The following SMYD3 variants were observed in gnomAD, a reference collection of about 807,000 sequenced individuals.
The protein encoded by SMYD3 is histone-lysine N-methyltransferase SMYD3.
Under a neutral mutation model 57.7 loss-of-function variants are expected in SMYD3, and 36 were observed. That is an observed-to-expected ratio of 0.62 (90% CI 0.48 to 0.82). The LOEUF is 0.82. Ranked by LOEUF, SMYD3 falls within the 40% of genes least tolerant of loss-of-function variation. The pLI is 0.00. For synonymous variants in SMYD3, 211 were observed against 195.0 expected (o/e 1.08, Z -0.68); for missense variants, 515 against 538.8 (o/e 0.96, Z 0.44).
intron 10 of SMYD3, chr1:245,788,809 T>A (rs767846994): frequency 6.6e-6 from 1 of 152,210 alleles, no homozygotes; most frequent in African/African-American, 2.4e-5. Context: ...TCACAGACCA[T>A]GCCAGAGTCC....
intron 5 of SMYD3, among the ~76,000 whole-genome samples, chr1:246,142,923 T>C (rs10924515): frequency 0.22 from 33,698 of 151,992 alleles, 4,286 homozygotes; most frequent in African/African-American, 0.32. Context: ...AGCTTCTTCA[T>C]GGAGATAAAC....
chr1:246,384,263 T>G lies in SMYD3; in HGVS notation c.165-29169A>C, dbSNP rs771832722. Among the ~76,000 whole-genome samples, 38 of 152,204 alleles carry G rather than the reference T, an allele frequency of 2.5e-4. 1 individual carries two copies. The highest frequency in any genetic ancestry group is 5.9e-5 in the Non-Finnish European group (4 of 68,020). On this transcript the variant is annotated intron_variant, in intron 1 of 11. Coordinates refer to ENST00000490107, the MANE Select transcript of SMYD3 (RefSeq NM_001167740.2). ...TCCCTAAAATCAGGTCTCATAAACC[T>G]TCAGAGTTTCCATTTCATGTATAGG...
intron 5 of SMYD3, among the ~76,000 whole-genome samples, chr1:246,022,008 C>T (rs1436431452): frequency 2.0e-5 from 3 of 152,204 alleles, no homozygotes; most frequent in Non-Finnish European, 4.4e-5. Flanking sequence ...ACACTGATCG[C>T]TGGAAACATG....
chr1:246,194,428 C>T (rs904174500), intron 5 of SMYD3, among the ~76,000 whole-genome samples: 1 of 152,008 alleles, frequency 6.6e-6, no homozygotes, highest in African/African-American at 2.4e-5. Context: ...GCCATCATGC[C>T]CGGCTAATTT....
chr1:246,477,736 A>C (rs2068046573), intron 1 of SMYD3, among the ~76,000 whole-genome samples: 1 of 152,214 alleles, frequency 6.6e-6, no homozygotes, highest in Non-Finnish European at 1.5e-5. Context: ...ATTTGAGTCC[A>C]GCTCTATCAG....
intron 5 of SMYD3, among the ~76,000 whole-genome samples, chr1:246,042,598 G>T (rs1393886110): frequency 1.3e-5 from 2 of 152,182 alleles, no homozygotes; most frequent in African/African-American, 4.8e-5. Context: ...GATGTCTTAA[G>T]TTCAGAATAT....
intron 5 of SMYD3, among the ~76,000 whole-genome samples, chr1:246,160,353 T>G (rs2062096614): frequency 6.6e-6 from 1 of 152,226 alleles, no homozygotes; most frequent in South Asian, 2.1e-4. Context: ...AATGACTATC[T>G]TCATCTGATG....
intron 1 of SMYD3, among the ~76,000 whole-genome samples, chr1:246,392,045 C>T (rs180934475): frequency 2.0e-4 from 31 of 152,334 alleles, no homozygotes; most frequent in Non-Finnish European, 4.3e-4. Context: ...CTTGCAAATA[C>T]CTACAATAAA....
At chr1:246,153,261 G>A (rs2061971964) in intron 5 of SMYD3, among the ~76,000 whole-genome samples, 1 of 152,018 alleles carries the variant, frequency 6.6e-6, no homozygotes, top group Admixed American at 6.5e-5. Flanking sequence ...ACTTTTGAGA[G>A]GAACAGTCCT....
chr1:246,249,277 T>C (rs1051901883), intron 5 of SMYD3, among the ~76,000 whole-genome samples: 2 of 151,788 alleles, frequency 1.3e-5, no homozygotes, highest in Admixed American at 1.3e-4. Context: ...CTAATTTTTG[T>C]ATTTTTAGTA....
At position 246,335,415 on chromosome 1, in the gene SMYD3, T is replaced by G; in HGVS notation, c.288A>C (p.Arg96Ser). The G allele has an allele frequency of 6.2e-7, 1 of 1,614,202 alleles. No homozygotes were observed. Among genetic ancestry groups the G allele is most frequent in the South Asian group, 1.1e-5 (1 of 91,082 alleles). ...GAAGTCGAACGGAGTCTGGAGGATA[T>G]CTGGGTTTGCAGCTTTTAAGGCATT... Reference protein sequence around the residue: ...ECKCLKSCKPRYPPDSVRLLG... With the variant: ...ECKCLKSCKPSYPPDSVRLLG... The change falls in exon 3 of 12, where the codon AGA becomes AGC. Residue 96 changes from arginine (R) to serine (S), a missense_variant. Physicochemically the swap from Arg to Ser is moderately radical, Grantham distance 110 (BLOSUM62 -1). Coordinates refer to ENST00000490107, the MANE Select transcript of SMYD3 (RefSeq NM_001167740.2).
chr1:245,862,471 C>G (rs2051603195), intron 9 of SMYD3, among the ~76,000 whole-genome samples: 1 of 150,110 alleles, frequency 6.7e-6, no homozygotes, highest in Non-Finnish European at 1.5e-5. Flanking sequence ...AACTTGGATA[C>G]CATTTAAACA....
At chr1:246,315,265 A>G (rs939934041) in intron 5 of SMYD3, among the ~76,000 whole-genome samples, 4 of 152,222 alleles carry the variant, frequency 2.6e-5, no homozygotes, top group African/African-American at 9.7e-5. Flanking sequence ...CTAAGAAAAA[A>G]GGACAGACAA....
intron 5 of SMYD3, among the ~76,000 whole-genome samples, chr1:246,224,632 AAGG>A (rs2063302111): frequency 6.6e-6 from 1 of 151,798 alleles, no homozygotes; most frequent in Non-Finnish European, 1.5e-5. Context: ...GCAGGAAAGG[AAGG>A]AGGAGGAGGA....
chr1:246,167,097 C>T (rs1265169861), intron 5 of SMYD3, among the ~76,000 whole-genome samples: 1 of 152,222 alleles, frequency 6.6e-6, no homozygotes, highest in Non-Finnish European at 1.5e-5. Context: ...TTCACCCGTG[C>T]TGGAGCATGT....
chr1:246,464,365 A>C (rs1352725176), intron 1 of SMYD3, among the ~76,000 whole-genome samples: 3 of 151,946 alleles, frequency 2.0e-5, no homozygotes, highest in Non-Finnish European at 4.4e-5. Flanking sequence ...AAAATTTAAA[A>C]ACTTAGCCAG....
chr1:246,309,358 C>T (rs779330817), intron 5 of SMYD3, among the ~76,000 whole-genome samples: 4 of 152,138 alleles, frequency 2.6e-5, no homozygotes, highest in Non-Finnish European at 5.9e-5. Context: ...CATACTCCTC[C>T]AGCCAGACGA....
chr1:246,021,079 C>T (rs1301571101), intron 5 of SMYD3, among the ~76,000 whole-genome samples: 2 of 152,178 alleles, frequency 1.3e-5, no homozygotes, highest in Non-Finnish European at 2.9e-5. Context: ...TGATTCTCAA[C>T]GCCAATACCA....
intron 1 of SMYD3, among the ~76,000 whole-genome samples, chr1:246,420,713 A>G (rs1400499580): frequency 1.3e-5 from 2 of 152,252 alleles, no homozygotes; most frequent in Non-Finnish European, 1.5e-5. Context: ...CTTTCAAGAT[A>G]AATCTTCAAA....
Sources: gnomAD v4.1 joint callset for allele counts (sites outside exome capture counted in the v4.1 genomes callset) on GRCh38, gnomAD v4.1.1 for gene constraint, MANE v1.5 for transcripts, NCBI Gene and HGNC (gene_info 2026-07-23, HGNC 2026-07-21) for gene names.